Variants in ZRSR2 observed in about 807,000 individuals in gnomAD.
The protein encoded by ZRSR2 is zinc finger CCCH-type, RNA binding motif and serine/arginine rich 2, also known as U2 small nuclear ribonucleoprotein auxiliary factor 35 kDa subunit-related protein 2.
In ZRSR2, 3 loss-of-function variants were observed where a neutral mutation model predicts 39.4. The ratio of observed to expected loss-of-function variants is 0.08; its 90% CI spans 0.03 to 0.20. ZRSR2 has a LOEUF of 0.20. ZRSR2 is among the 10% of genes least tolerant of loss of function. The probability of loss-of-function intolerance (pLI) is 1.00; values close to 1 mark genes in which losing one functional copy is unlikely to be tolerated. For synonymous variants in ZRSR2, 137 were observed against 136.0 expected (o/e 1.01, Z -0.05); for missense variants, 256 against 391.5 (o/e 0.65, Z 2.92).
At chrX:15,812,315 A>T (rs1471991404) in intron 7 of ZRSR2, among the ~76,000 whole-genome samples, 1 of 112,624 alleles carries the variant, frequency 8.9e-6, no homozygotes, top group African/African-American at 3.2e-5. Context: ...GATTTTCATC[A>T]TTCAAGTGAT....
chrX:15,823,251 TG>T lies in ZRSR2; in HGVS notation c.*10del. 1 of 1,140,791 alleles carries T rather than the reference TG, an allele frequency of 8.8e-7. No homozygotes were observed. 94.0% of individuals were successfully genotyped at this position (1,140,791 alleles called of 1,213,427 possible). ...GTCCCAAATCCAAATAAACTAGTTT[TG>T]TTCTTAAATGATTGTATATCTTATT... On this transcript the variant is annotated 3_prime_UTR_variant, in exon 11 of 11. Coordinates refer to ENST00000307771, the MANE Select transcript of ZRSR2 (RefSeq NM_005089.4).
Position 15,804,161 on chromosome X carries a change from G to C in ZRSR2, c.363G>C (p.Glu121Asp), listed in dbSNP as rs1238471275. The C allele has an allele frequency of 8.4e-7, 1 of 1,196,083 alleles. No homozygotes were observed. The highest frequency in any genetic ancestry group is 3.0e-5 in the East Asian group (1 of 33,495). ...AACAGCAGAGGAAAGAGAGAGAAGA[G>C]GAGGAGCAGAAACGACAGGAGAAGA... is the stretch of plus-strand genomic sequence containing the variant. ...WEEQQRKERE[E>D]EEQKRQEKKE... is the part of the protein sequence containing the mutation. Residue 121 changes from glutamate to aspartate, a missense_variant, in exon 5 of 11, where the codon GAG becomes GAC. Around this residue, in one of 3 missense-constraint regions of ZRSR2, gnomAD observed 87 missense variants for 111.7 expected, o/e 0.78. Coordinates refer to ENST00000307771, the MANE Select transcript of ZRSR2 (RefSeq NM_005089.4).
chrX:15,806,787 C>A (rs914444780), intron 5 of ZRSR2, among the ~76,000 whole-genome samples: 1 of 111,272 alleles, frequency 9.0e-6, no homozygotes, highest in African/African-American at 3.3e-5. Flanking sequence ...TCTGCCTCAG[C>A]CTCCTGAGTA....
At chrX:15,814,741 T>A (rs904301082) in intron 7 of ZRSR2, among the ~76,000 whole-genome samples, 15 of 111,846 alleles carry the variant, frequency 1.3e-4, no homozygotes, top group Non-Finnish European at 2.6e-4. Flanking sequence ...TGGGCAAGTG[T>A]GCTTTTCTAG....
At chrX:15,790,594 G>A (rs1449081413) in intron 1 of ZRSR2, 58 bp downstream of exon 1, 27 of 1,138,437 alleles carry the variant, frequency 2.4e-5, no homozygotes, top group Non-Finnish European at 2.9e-5. Context: ...CATGGAGGAT[G>A]TGGTGGCAGG....
Position 15,820,203 on chromosome X carries a change from A to G in ZRSR2, c.828-4A>G, listed in dbSNP as rs1933070815. ...AAGCATATCATTTGATTTTTGGTTT[A>G]AAGGGAAGAAGAATGCCAAGCAGCC... On this transcript the variant is annotated splice_region_variant and splice_polypyrimidine_tract_variant and intron_variant, in intron 9 of 10. Coordinates refer to ENST00000307771, the MANE Select transcript of ZRSR2 (RefSeq NM_005089.4). 1 of 1,201,419 alleles carries G rather than the reference A, an allele frequency of 8.3e-7. No homozygotes were observed. Among genetic ancestry groups the G allele is most frequent in the Non-Finnish European group, 1.1e-6 (1 of 887,942 alleles).
At chrX:15,811,235 C>T (rs1318388242) in intron 7 of ZRSR2, among the ~76,000 whole-genome samples, 1 of 111,888 alleles carries the variant, frequency 8.9e-6, no homozygotes, top group Non-Finnish European at 1.9e-5. Context: ...AAAAAACTTC[C>T]CACCAAAGAA....
At chrX:15,803,541 C>A in intron 3 of ZRSR2, 147 bp from the exon 4 acceptor site, 1 of 723,466 alleles carries the variant, frequency 1.4e-6, no homozygotes, top group Non-Finnish European at 2.0e-6. Context: ...TCTTCTCGTT[C>A]TCTTACACCC....
chrX:15,815,689 A>G lies in ZRSR2; in HGVS notation c.570A>G (p.Lys190=), dbSNP rs1932958988. ...ACRFGDRCSR[K]HNFPTSSPTL... ...CTTTCATACGCAGATGTTCACGTAA[A>G]CATAATTTCCCAACATCCAGTCCTA... The change falls in exon 8 of 11, where the codon AAA becomes AAG. Residue 190 remains lysine (K), a synonymous_variant. Transcript: ENST00000307771. 1 of 1,201,195 alleles carries G rather than the reference A, an allele frequency of 8.3e-7. No individual in the cohort carries two copies. The highest frequency in any genetic ancestry group is 2.2e-5 in the Admixed American group (1 of 45,060).
chrX:15,806,014 T>C (rs1298418388), intron 5 of ZRSR2, among the ~76,000 whole-genome samples: 3 of 111,265 alleles, frequency 2.7e-5, no homozygotes, highest in Non-Finnish European at 1.9e-5. Context: ...ATAGATTGCC[T>C]GCTCAAGGAA....
chrX:15,795,985 C>T (rs1456415387), intron 2 of ZRSR2, among the ~76,000 whole-genome samples: 1 of 110,952 alleles, frequency 9.0e-6, no homozygotes, highest in East Asian at 2.8e-4. Flanking sequence ...GCTGGGCGTC[C>T]TATTCACGCA....
chrX:15,791,941 C>T (rs7890065), intron 2 of ZRSR2, among the ~76,000 whole-genome samples: 39,385 of 110,639 alleles, frequency 0.36, 5,206 homozygotes, highest in Admixed American at 0.42. Flanking sequence ...GGATTAAAGG[C>T]GTGAGCTACC....
At chrX:15,804,712 A>AAG (rs1408290906) in intron 5 of ZRSR2, among the ~76,000 whole-genome samples, 1 of 112,022 alleles carries the variant, frequency 8.9e-6, no homozygotes, top group Non-Finnish European at 1.9e-5. Context: ...TTTAGGTCAT[A>AAG]AGAGAACTGC....
At chrX:15,790,884 A>T (rs1932251611) in intron 1 of ZRSR2, 50 bp from the exon 2 acceptor site, 1 of 1,120,214 alleles carries the variant, frequency 8.9e-7, no homozygotes, top group African/African-American at 1.8e-5. Flanking sequence ...GAGCTCGGGC[A>T]GCGCTGCATT....
intron 6 of ZRSR2, 61 bp from the exon 7 acceptor site, chrX:15,809,139 G>T: frequency 1.3e-6 from 1 of 787,577 alleles, no homozygotes. Context: ...AATATACTTT[G>T]AAACATTTCG....
intron 6 of ZRSR2, among the ~76,000 whole-genome samples, chrX:15,808,494 A>G (rs1242034019): frequency 8.9e-6 from 1 of 111,762 alleles, no homozygotes; most frequent in Non-Finnish European, 1.9e-5. Context: ...TAGAGTCCTT[A>G]CAGTATGTTT....
At chrX:15,811,963 T>C (rs1412245150) in intron 7 of ZRSR2, among the ~76,000 whole-genome samples, 2 of 111,226 alleles carry the variant, frequency 1.8e-5, no homozygotes, top group Non-Finnish European at 3.8e-5. Context: ...GGAGTCTCGC[T>C]CTGTCGCCCA....
intron 3 of ZRSR2, among the ~76,000 whole-genome samples, chrX:15,800,638 A>G (rs1932643357): frequency 8.9e-6 from 1 of 112,533 alleles, no homozygotes; most frequent in Admixed American, 9.4e-5. Flanking sequence ...TCTTTCTATA[A>G]TGGCATGATA....
intron 8 of ZRSR2, among the ~76,000 whole-genome samples, chrX:15,816,269 T>G (rs1450421520): frequency 9.0e-6 from 1 of 111,708 alleles, no homozygotes; most frequent in Non-Finnish European, 1.9e-5. Flanking sequence ...TTCCTTCCTC[T>G]GTAGGTGGCT....
Sources: gnomAD v4.1 joint callset for allele counts (sites outside exome capture counted in the v4.1 genomes callset) on GRCh38, gnomAD v4.1.1 for gene constraint, gnomAD v4.1.1 regional missense constraint, MANE v1.5 for transcripts, NCBI Gene and HGNC (gene_info 2026-07-23, HGNC 2026-07-21) for gene names.